SSBP3: variants seen among roughly 807,000 people sequenced by gnomAD.
SSBP3 encodes single stranded DNA binding protein 3, also known as single-stranded DNA-binding protein 3.
SSBP3 carries 5 observed loss-of-function variants against 69.6 expected under a neutral mutation model. The observed-to-expected ratio is 0.07, with a 90% confidence interval of 0.04 to 0.15. The LOEUF is 0.15. Among genes scored for constraint, SSBP3 ranks in the 10% least tolerant of loss-of-function variants. SSBP3 has a pLI of 1.00. For missense variants in SSBP3, 312 were observed against 534.0 expected (o/e 0.58, Z 4.10); for synonymous variants, 196 against 193.4 (o/e 1.01, Z -0.11).
intron 4 of SSBP3, among the ~76,000 whole-genome samples, chr1:54,311,534 T>A (rs17110345): frequency 6.6e-6 from 1 of 151,840 alleles, no homozygotes; most frequent in African/African-American, 2.4e-5. Context: ...ACCCACAAGA[T>A]GTCAAAATCG....
intron 4 of SSBP3, among the ~76,000 whole-genome samples, chr1:54,388,167 C>T (rs1648222859): frequency 6.6e-6 from 1 of 151,862 alleles, no homozygotes; most frequent in South Asian, 2.1e-4. Context: ...CAGGTTTCTA[C>T]TGAAATGATC....
At chr1:54,238,853 C>G (rs1379131705) in intron 14 of SSBP3, 1 of 405,636 alleles carries the variant, frequency 2.5e-6, no homozygotes, top group Non-Finnish European at 4.8e-6. Context: ...CTTCCCCCAC[C>G]AGCACGGCAG....
At chr1:54,406,786 C>G (rs1446638410), upstream of SSBP3, among the ~76,000 whole-genome samples, 1 of 151,902 alleles carries the variant, frequency 6.6e-6, no homozygotes, top group African/African-American at 2.4e-5. Context: ...GCGCAGACCC[C>G]CAAGCGGTCG....
chr1:54,397,572 C>T (rs1648985058), intron 4 of SSBP3, among the ~76,000 whole-genome samples: 1 of 152,026 alleles, frequency 6.6e-6, no homozygotes. Context: ...GAGGACAGGG[C>T]CAGGGAGCCA....
rs534282425 is a variant in SSBP3, at chr1:54,373,535, G to A, written c.276+28326C>T. ...CCCCAACATTTTGGGAAGCTGAGGC[G>A]GGTGGATTGCTTGAGACCAGGAGTT... On this transcript the variant is annotated intron_variant, in intron 4 of 17. Transcript: ENST00000610401. 1.2e-4 allele frequency among the ~76,000 whole-genome samples: 18 copies of A among 152,180 alleles called. 1 individual carries two copies. The highest frequency in any genetic ancestry group is 7.7e-4 in the East Asian group (4 of 5,176).
Position 54,313,435 on chromosome 1 carries a change from CTTTTTTTTTTTTTT to C in SSBP3, c.277-31922_277-31909del, listed in dbSNP as rs752753963. Reference sequence around the variant, plus strand: ...CTCACACCGAAGCTGTGTGCCTGTGCTTTTTTTTTTTTTTTTTTTTTTTTTTCTTTTTAAAGAGC... The same window carrying C: ...CTCACACCGAAGCTGTGTGCCTGTGCTTTTTTTTTTTTCTTTTTAAAGAGC... On this transcript the variant is annotated intron_variant, in intron 4 of 17. Coordinates refer to ENST00000610401, the Ensembl canonical transcript of SSBP3. Among the ~76,000 whole-genome samples the C allele has an allele frequency of 5.2e-3, 449 of 86,438 alleles. 5 individuals are homozygous for C. Among genetic ancestry groups the C allele is most frequent in the Middle Eastern group, 0.025 (2 of 80 alleles). The allele number at this position is 86,438 out of a possible 152,430, so 56.7% of individuals were successfully genotyped here.
chr1:54,315,264 A>C (rs976613516), intron 4 of SSBP3, among the ~76,000 whole-genome samples: 8 of 152,170 alleles, frequency 5.3e-5, no homozygotes, highest in African/African-American at 1.9e-4. Context: ...CCTGCAGCTC[A>C]TAACTGCACA....
At chr1:54,341,295 C>T (rs556441311) in intron 4 of SSBP3, among the ~76,000 whole-genome samples, 1 of 152,302 alleles carries the variant, frequency 6.6e-6, no homozygotes, top group African/African-American at 2.4e-5. Context: ...TGCTGCTAAG[C>T]ACCCTGGCCT....
At chr1:54,392,737 C>A (rs147135997) in intron 4 of SSBP3, among the ~76,000 whole-genome samples, 1 of 152,326 alleles carries the variant, frequency 6.6e-6, no homozygotes, top group Non-Finnish European at 1.5e-5. Context: ...GCATTCAAGA[C>A]CTGCAATAGG....
chr1:54,395,920 C>T (rs1648830982), intron 4 of SSBP3, among the ~76,000 whole-genome samples: 4 of 152,136 alleles, frequency 2.6e-5, no homozygotes, highest in South Asian at 2.1e-4. Context: ...CGGCCAGGCG[C>T]GGTGGCTCAC....
chr1:54,270,989 A>T (rs1228587168), intron 5 of SSBP3, among the ~76,000 whole-genome samples: 1 of 152,226 alleles, frequency 6.6e-6, no homozygotes, highest in African/African-American at 2.4e-5. Context: ...TCCAAGACAG[A>T]AGGGACAGAT....
chr1:54,229,960 G>C (rs888691554), intron 14 of SSBP3, among the ~76,000 whole-genome samples: 1 of 152,238 alleles, frequency 6.6e-6, no homozygotes, highest in Admixed American at 6.5e-5. Context: ...AATCAGAACC[G>C]GCTGCCTGGA....
intron 3 of SSBP3, among the ~76,000 whole-genome samples, chr1:54,403,405 A>G (rs1484068282): frequency 4.6e-5 from 7 of 151,876 alleles, no homozygotes; most frequent in Admixed American, 4.6e-4. Context: ...TCAATCATAA[A>G]CCTAAGTTTC....
intron 7 of SSBP3, among the ~76,000 whole-genome samples, chr1:54,255,949 G>A (rs540916419): frequency 6.6e-6 from 1 of 152,254 alleles, no homozygotes; most frequent in African/African-American, 2.4e-5. Flanking sequence ...GCGCACACCT[G>A]TAATCCCAGT....
intron 4 of SSBP3, among the ~76,000 whole-genome samples, chr1:54,396,267 A>G (rs1435411714): frequency 6.6e-6 from 1 of 150,954 alleles, no homozygotes; most frequent in East Asian, 2.0e-4. Context: ...ATGATTGTCT[A>G]TTTGCTCTAA....
intron 4 of SSBP3, among the ~76,000 whole-genome samples, chr1:54,335,108 G>C (rs1187986668): frequency 6.6e-6 from 1 of 152,170 alleles, no homozygotes; most frequent in Non-Finnish European, 1.5e-5. Context: ...GAGGGCCTCA[G>C]CCAGCTCTGC....
At chr1:54,239,057 C>T in intron 14 of SSBP3, 72 bp downstream of exon 14, 1 of 1,306,816 alleles carries the variant, frequency 7.7e-7, no homozygotes, top group Non-Finnish European at 1.1e-6. Flanking sequence ...AACTTGCTTT[C>T]CCCTCAGCTG....
At chr1:54,390,916 C>T (rs189998592) in intron 4 of SSBP3, among the ~76,000 whole-genome samples, 3 of 152,344 alleles carry the variant, frequency 2.0e-5, no homozygotes, top group African/African-American at 4.8e-5. Flanking sequence ...GAGCAGAGAC[C>T]GGCAGTGCGC....
At chr1:54,228,700 C>T in intron 15 of SSBP3, 48 bp downstream of exon 15, 1 of 1,548,444 alleles carries the variant, frequency 6.5e-7, no homozygotes, top group Non-Finnish European at 8.7e-7. Context: ...AGGCACAGAG[C>T]TGGCTGCCCA....
Sources: gnomAD v4.1 joint callset for allele counts (sites outside exome capture counted in the v4.1 genomes callset) on GRCh38, gnomAD v4.1.1 for gene constraint, MANE v1.5 for transcripts, NCBI Gene and HGNC (gene_info 2026-07-23, HGNC 2026-07-21) for gene names.